Variants in ABCE1 observed in about 807,000 individuals in gnomAD.
ABCE1 encodes ATP binding cassette subfamily E member 1, also known as ATP-binding cassette sub-family E member 1.
In ABCE1, 22 loss-of-function variants were observed where a neutral mutation model predicts 83.4. That is an observed-to-expected ratio of 0.26 (90% CI 0.19 to 0.38). The LOEUF (loss-of-function observed/expected upper bound fraction) is 0.38, where lower values mean the gene tolerates loss of function less well. ABCE1 is among the 10% of genes least tolerant of loss of function. ABCE1 has a pLI of 1.00. For synonymous variants in ABCE1, 204 were observed against 233.7 expected, an observed-to-expected ratio of 0.87 and a Z score of 1.16; for missense variants, 330 against 721.9, an observed-to-expected ratio of 0.46 and a Z score of 6.22.
At chr4:145,105,752 G>A in intron 3 of ABCE1, 62 bp downstream of exon 3, 2 of 1,215,556 alleles carry the variant, frequency 1.6e-6, no homozygotes, top group Non-Finnish European at 1.2e-6. Context: ...TGAAAATTCT[G>A]GATACTATGC....
chr4:145,110,677 A>G (rs1013639143), intron 7 of ABCE1, among the ~76,000 whole-genome samples: 14 of 152,066 alleles, frequency 9.2e-5, no homozygotes, highest in African/African-American at 3.4e-4. Context: ...GGGTTTCTCC[A>G]TGTCAGTCAG....
intron 3 of ABCE1, among the ~76,000 whole-genome samples, chr4:145,105,998 A>G (rs1749292391): frequency 6.6e-6 from 1 of 151,924 alleles, no homozygotes; most frequent in Non-Finnish European, 1.5e-5. Flanking sequence ...TCAAGTCTGT[A>G]TTGAATTTTA....
At chr4:145,115,029 A>G (rs189682531) in intron 9 of ABCE1, among the ~76,000 whole-genome samples, 2 of 152,068 alleles carry the variant, frequency 1.3e-5, no homozygotes, top group East Asian at 1.9e-4. Context: ...AAGAAGTTTT[A>G]TAGAGTTTGA....
At chr4:145,118,194 A>C (rs551389516) in intron 10 of ABCE1, among the ~76,000 whole-genome samples, 1 of 151,610 alleles carries the variant, frequency 6.6e-6, no homozygotes, top group African/African-American at 2.4e-5. Context: ...CTAGAAGTAG[A>C]AAAATTCATG....
chr4:145,125,439 G>T (rs1297905106), intron 17 of ABCE1, among the ~76,000 whole-genome samples: 1 of 152,098 alleles, frequency 6.6e-6, no homozygotes, highest in African/African-American at 2.4e-5. Flanking sequence ...CTGTACTCCA[G>T]CCTGGGCAAA....
rs181465935 is a variant in ABCE1 at position 145,129,257 on chromosome 4, A to G, written c.*1684A>G. On this transcript the variant is annotated 3_prime_UTR_variant, in exon 18 of 18. Coordinates refer to ENST00000296577, the MANE Select transcript of ABCE1 (RefSeq NM_002940.3). The stretch of plus-strand genomic sequence containing the variant: ...TAATGACAGAATATGTATTAAACGT[A>G]TTTTCATGTAAATGAAATCTTTAAA... The G allele has an allele frequency of 2.0e-4, 30 of 152,332 alleles. No homozygotes were observed. Among genetic ancestry groups the G allele is most frequent in the African/African-American group, 6.7e-4 (28 of 41,590 alleles). The allele number at this position is 152,332 out of a possible 1,614,324, so 9.4% of individuals were successfully genotyped here. A position where few individuals can be genotyped will look rare whatever the true frequency, so the allele number is the denominator to read the frequency against.
chr4:145,105,720 C>T (rs756756883), intron 3 of ABCE1, 30 bp downstream of exon 3: 25 of 1,473,850 alleles, frequency 1.7e-5, no homozygotes, highest in Middle Eastern at 2.3e-4. Flanking sequence ...CTGGATCAAA[C>T]GTGTAACCTA....
At chr4:145,125,917 T>C (rs1008768763) in intron 17 of ABCE1, among the ~76,000 whole-genome samples, 5 of 152,004 alleles carry the variant, frequency 3.3e-5, no homozygotes, top group Admixed American at 6.6e-5. Flanking sequence ...GGCATGCGCC[T>C]GTAATCCCAG....
At chr4:145,116,100 G>A (rs1490308644) in intron 9 of ABCE1, among the ~76,000 whole-genome samples, 1 of 151,818 alleles carries the variant, frequency 6.6e-6, no homozygotes, top group East Asian at 1.9e-4. Context: ...TAAAGATCTA[G>A]GCAGGAGACT....
intron 1 of ABCE1, among the ~76,000 whole-genome samples, chr4:145,103,116 T>C (rs1004448698): frequency 2.0e-5 from 3 of 152,162 alleles, no homozygotes; most frequent in Non-Finnish European, 4.4e-5. Context: ...TGCAAAACTT[T>C]TTAGGGAGGA....
intron 3 of ABCE1, among the ~76,000 whole-genome samples, 157 bp downstream of exon 3, chr4:145,105,847 A>G (rs138920793): frequency 2.6e-5 from 4 of 152,038 alleles, no homozygotes; most frequent in Non-Finnish European, 5.9e-5. Context: ...TATCAGTGAC[A>G]TTGTTGCTTT....
chr4:145,107,209 A>G (rs1749332150), intron 3 of ABCE1, among the ~76,000 whole-genome samples: 2 of 152,110 alleles, frequency 1.3e-5, no homozygotes, highest in Non-Finnish European at 2.9e-5. Flanking sequence ...CAAGTATCTT[A>G]TTCATATAAG....
intron 17 of ABCE1, among the ~76,000 whole-genome samples, chr4:145,127,202 A>C (rs1319999036): frequency 6.6e-6 from 1 of 152,198 alleles, no homozygotes; most frequent in Non-Finnish European, 1.5e-5. Context: ...TGGAGATAAA[A>C]GTTGCATTGA....
At chr4:145,124,384 ATTTC>A (rs780550416) in intron 16 of ABCE1, among the ~76,000 whole-genome samples, 2 of 151,544 alleles carry the variant, frequency 1.3e-5, no homozygotes, top group South Asian at 2.1e-4. Context: ...AGAATTACAT[ATTTC>A]TTAAAGAGCT....
At position 145,127,607 on chromosome 4, in the gene ABCE1, A is replaced by T; in HGVS notation, c.*34A>T. On this transcript the variant is annotated 3_prime_UTR_variant, in exon 18 of 18. Coordinates refer to ENST00000296577, the MANE Select transcript of ABCE1 (RefSeq NM_002940.3). Reference sequence around the variant, plus strand: ...TGAGAATATTGATAAGCCATTTATTAAAAGGAGTATTTACTAGAATTTTTT... The same window carrying T: ...TGAGAATATTGATAAGCCATTTATTTAAAGGAGTATTTACTAGAATTTTTT... The T allele has an allele frequency of 6.7e-7, 1 of 1,499,238 alleles. No individual in the cohort carries two copies. Among genetic ancestry groups the T allele is most frequent in the South Asian group, 1.3e-5 (1 of 75,068 alleles). The allele number at this position is 1,499,238 out of a possible 1,614,324, so 92.9% of individuals were successfully genotyped here.
At position 145,120,110 on chromosome 4, in the gene ABCE1, A is replaced by G. The variant is rs780679004; in HGVS notation, c.1101A>G (p.Gly367=). 3.1e-6 allele frequency: 5 copies of G among 1,609,806 alleles called. No homozygotes were observed. The highest frequency in any genetic ancestry group is 4.2e-6 in the Non-Finnish European group (5 of 1,178,786). ...MGEFELAIVA[G]EFTDSEIMVM... is the part of the protein sequence containing the mutation. The stretch of plus-strand genomic sequence containing the variant: ...AATTTGAGCTAGCAATTGTAGCTGG[A>G]GAGTTTACAGATTCTGAAATTATGG... The change falls in exon 11 of 18, where the codon GGA becomes GGG. Residue 367 remains glycine (G), a synonymous_variant. Coordinates refer to ENST00000296577, the MANE Select transcript of ABCE1 (RefSeq NM_002940.3).
chr4:145,123,697 A>G, intron 16 of ABCE1, 97 bp downstream of exon 16: 1 of 1,252,034 alleles, frequency 8.0e-7, no homozygotes, highest in African/African-American at 1.5e-5. Context: ...TGAAAGCTAG[A>G]AATTCTAGAC....
At chr4:145,111,218 A>G (rs1749462988) in intron 8 of ABCE1, 154 bp downstream of exon 8, 2 of 487,594 alleles carry the variant, frequency 4.1e-6, no homozygotes, top group African/African-American at 4.0e-5. Flanking sequence ...TTGTGTATCC[A>G]CTACTCATTT....
chr4:145,101,621 A>G (rs539876198), intron 1 of ABCE1, among the ~76,000 whole-genome samples: 6 of 152,204 alleles, frequency 3.9e-5, no homozygotes, highest in Non-Finnish European at 7.4e-5. Context: ...TGATGCTGGT[A>G]AGAGATGATA....
Sources: gnomAD v4.1 joint callset for allele counts (sites outside exome capture counted in the v4.1 genomes callset) on GRCh38, gnomAD v4.1.1 for gene constraint, MANE v1.5 for transcripts, NCBI Gene and HGNC (gene_info 2026-07-23, HGNC 2026-07-21) for gene names.